Variants in ITIH2 observed in about 807,000 individuals in gnomAD.
ITIH2 encodes inter-alpha-trypsin inhibitor heavy chain 2, also known as inter-alpha-trypsin inhibitor heavy chain H2.
A neutral mutation model predicts 104.4 loss-of-function variants in ITIH2; 103 were observed. The observed-to-expected ratio is 0.99, with a 90% CI of 0.84 to 1.16. The LOEUF is 1.16. Among genes scored for constraint, ITIH2 ranks in the 50% most tolerant of loss-of-function variants. ITIH2 has a pLI of 0.00. For synonymous variants in ITIH2, 436 were observed against 435.4 expected, an observed-to-expected ratio of 1.00 and a Z score of -0.02; for missense variants, 1,108 against 1,162.4, an observed-to-expected ratio of 0.95 and a Z score of 0.68.
At chr10:7,703,659 T>A in intron 1 of ITIH2, 141 bp downstream of exon 1, 1 of 618,036 alleles carries the variant, frequency 1.6e-6, no homozygotes, top group Non-Finnish European at 2.9e-6. Context: ...GTGTTTACTG[T>A]TATAATTACT....
chr10:7,735,732 G>A (rs1479626666), intron 15 of ITIH2, among the ~76,000 whole-genome samples: 11 of 148,062 alleles, frequency 7.4e-5, no homozygotes, highest in Non-Finnish European at 1.6e-4. Context: ...GAGCACAATG[G>A]CACGATCTCA....
chr10:7,718,550 A>C (rs550900556), intron 6 of ITIH2, among the ~76,000 whole-genome samples: 25 of 152,114 alleles, frequency 1.6e-4, no homozygotes, highest in Admixed American at 1.6e-3. Flanking sequence ...TTTTAAGTTC[A>C]GGGGCATATG....
rs142634933 is a variant in ITIH2, at chr10:7,720,235, C to A, written c.631-621C>A. Among the ~76,000 whole-genome samples the A allele has an allele frequency of 1.2e-3, 182 of 152,210 alleles. 4 individuals carry two copies. In the East Asian group the frequency reaches 0.03, roughly 25 times the overall value. On this transcript the variant is annotated intron_variant, in intron 6 of 20. Transcript: ENST00000358415. ...TTGCACTAAAAGCCTGGGCTTCATC[C>A]CTGTGCAATATATTCATGTAACCAA... is the stretch of plus-strand genomic sequence containing the variant.
chr10:7,747,032 A>G (rs1241107197), intron 20 of ITIH2, among the ~76,000 whole-genome samples: 1 of 152,210 alleles, frequency 6.6e-6, no homozygotes, highest in East Asian at 1.9e-4. Context: ...TAAAACACCT[A>G]TTACCATAGT....
intron 5 of ITIH2, among the ~76,000 whole-genome samples, chr10:7,714,409 T>G (rs1354291201): frequency 6.6e-6 from 1 of 152,040 alleles, no homozygotes; most frequent in Non-Finnish European, 1.5e-5. Flanking sequence ...CCTGACCTCG[T>G]GATCCGCCCG....
chr10:7,742,062 C>T (rs1362221127), intron 16 of ITIH2, among the ~76,000 whole-genome samples: 1 of 152,218 alleles, frequency 6.6e-6, no homozygotes, highest in African/African-American at 2.4e-5. Context: ...CCATGTACTT[C>T]ATTCTATCTT....
rs549174586 is a variant in ITIH2 at position 7,705,782 on chromosome 10, G to A, written c.159+600G>A. On this transcript the variant is annotated intron_variant, in intron 2 of 20. Coordinates refer to ENST00000358415, the MANE Select transcript of ITIH2 (RefSeq NM_002216.3). Reference sequence around the variant, plus strand: ...TTCCGAAATTATTTCCTGCCTTGCCGGAAGGATTTCCTGTTAGGAAGACTT... The same window carrying A: ...TTCCGAAATTATTTCCTGCCTTGCCAGAAGGATTTCCTGTTAGGAAGACTT... 4.5e-4 allele frequency among the ~76,000 whole-genome samples: 68 copies of A among 151,568 alleles called. No homozygotes were observed. In the South Asian group the frequency reaches 0.011, roughly 24 times the overall value.
intron 4 of ITIH2, among the ~76,000 whole-genome samples, chr10:7,712,150 C>T (rs1834801873): frequency 6.6e-6 from 1 of 152,084 alleles, no homozygotes; most frequent in South Asian, 2.1e-4. Context: ...GACTAAGTAC[C>T]ATAAAATGGG....
intron 3 of ITIH2, 108 bp downstream of exon 3, chr10:7,707,341 T>A (rs1834757199): frequency 1.2e-6 from 1 of 811,926 alleles, no homozygotes; most frequent in Admixed American, 1.9e-5. Context: ...TTTACCTGAC[T>A]TTCGAAATAC....
At chr10:7,705,696 C>A (rs1834740205) in intron 2 of ITIH2, among the ~76,000 whole-genome samples, 1 of 93,374 alleles carries the variant, frequency 1.1e-5, no homozygotes, top group East Asian at 2.9e-4. Context: ...GTCCCCACTC[C>A]ATTTAAAAAA....
Position 7,703,463 on chromosome 10 carries a change from G to A in ITIH2, c.29G>A (p.Cys10Tyr). Residue 10 changes from cysteine (C) to tyrosine (Y), a missense_variant, in exon 1 of 21, where the codon TGC becomes TAC. Transcript: ENST00000358415. ...AAAAGACTCACGTGCTTTTTCATCT[G>A]CTTCTTTCTTTCTGAAGTATCAGGC... MKRLTCFFI[C>Y]FFLSEVSGFE... The A allele has an allele frequency of 1.2e-6, 2 of 1,613,950 alleles. No individual in the cohort carries two copies. Among genetic ancestry groups the A allele is most frequent in the Non-Finnish European group, 8.5e-7 (1 of 1,179,894 alleles).
chr10:7,744,237 T>C lies in ITIH2; in HGVS notation c.2365T>C (p.Phe789Leu). 2.5e-6 allele frequency: 4 copies of C among 1,614,154 alleles called. 1 individual carries two copies. The South Asian group carries it at 4.4e-5, about 18-fold the overall frequency. The change falls in exon 18 of 21, where the codon TTC becomes CTC. Residue 789 changes from phenylalanine (F) to leucine (L), a missense_variant. Transcript: ENST00000358415. ...CACCCTGAGCCATGGTTCTAGCACA[T>C]TCTCCTTGTCCTGGTCCGACACGGC... ...TITLSHGSSTFSLSWSDTAQV... is the reference protein window; with the variant it reads ...TITLSHGSSTLSLSWSDTAQV...
In ITIH2 at chr10:7,749,322, C is replaced by G. The variant is rs1283832836; in HGVS notation, c.2829C>G (p.Leu943=). 6.2e-7 allele frequency: 1 copy of G among 1,613,992 alleles called. No individual in the cohort carries two copies. Among genetic ancestry groups the G allele is most frequent in the Non-Finnish European group, 8.5e-7 (1 of 1,179,890 alleles). The part of the protein sequence containing the change: ...DYFVPQLYSF[L]KRP Reference sequence around the variant, plus strand: ...TCGTGCCTCAGCTCTACAGCTTTCTCAAACGGCCTTAAAGGTTTATAGTTT... The same window carrying G: ...TCGTGCCTCAGCTCTACAGCTTTCTGAAACGGCCTTAAAGGTTTATAGTTT... The change falls in exon 21 of 21, where the codon CTC becomes CTG. Residue 943 remains leucine (L), a synonymous_variant. Transcript: ENST00000358415.
At position 7,720,928 on chromosome 10, in the gene ITIH2, G is replaced by A. The variant is rs765320916; in HGVS notation, c.703G>A (p.Asp235Asn). Residue 235 changes from aspartate to asparagine, a missense_variant, in exon 7 of 21, where the codon GAT becomes AAT. Transcript: ENST00000358415. ...HVPDTFEGHF[D>N]GVPVISKGQQ... ...TCCCGACACATTTGAAGGCCATTTC[G>A]ATGGTGTTCCGGTCATTTCTAAAGG... 6 of 1,613,540 alleles carry A rather than the reference G, an allele frequency of 3.7e-6. No individual in the cohort carries two copies. The highest frequency in any genetic ancestry group is 1.3e-5 in the African/African-American group (1 of 75,006).
chr10:7,732,447 A>G lies in ITIH2; in HGVS notation c.1757A>G (p.Tyr586Cys), dbSNP rs764977128. The G allele has an allele frequency of 1.5e-5, 25 of 1,613,966 alleles. No homozygotes were observed. The highest frequency in any genetic ancestry group is 2.7e-5 in the African/African-American group (2 of 74,932). Residue 586 changes from tyrosine to cysteine, a missense_variant, in exon 14 of 21, where the codon TAT (tyrosine) becomes TGT (cysteine). Coordinates refer to ENST00000358415, the MANE Select transcript of ITIH2 (RefSeq NM_002216.3). The part of the protein sequence containing the change: ...DPDFTRKLWA[Y>C]LTINQLLAER... ...GATTTCACCAGGAAACTGTGGGCCT[A>G]TCTAACCATCAACCAACTGCTAGCT... is the stretch of plus-strand genomic sequence containing the variant.
intron 8 of ITIH2, among the ~76,000 whole-genome samples, chr10:7,723,148 C>CGTGGCGTGGAGTGGAGGGAA (rs58517524): frequency 1.4e-5 from 2 of 139,522 alleles, no homozygotes; most frequent in African/African-American, 2.7e-5. Context: ...CGTGGAGTGG[C>CGTGGCGTGGAGTGGAGGGAA]GTGGCGTGGA....
intron 13 of ITIH2, 85 bp downstream of exon 13, chr10:7,732,081 A>G: frequency 9.0e-7 from 1 of 1,106,740 alleles, no homozygotes; most frequent in Non-Finnish European, 1.3e-6. Flanking sequence ...CCTGCCTGGA[A>G]TCATGGGTGT....
chr10:7,731,317 C>T (rs890259326), intron 12 of ITIH2, among the ~76,000 whole-genome samples: 5 of 152,200 alleles, frequency 3.3e-5, no homozygotes, highest in Non-Finnish European at 4.4e-5. Context: ...GTAATGTTCT[C>T]AACAAGTCTT....
chr10:7,723,449 A>G lies in ITIH2; in HGVS notation c.868-2A>G. 1.9e-6 allele frequency: 3 copies of G among 1,566,584 alleles called. No homozygotes were observed. The highest frequency in any genetic ancestry group is 2.7e-5 in the African/African-American group (2 of 74,066). ...GACTCACAAATACCTTCTATTTTTC[A>G]GGTGTTTAATGGATATTTTGTCCAC... On this transcript the variant is annotated splice_acceptor_variant, in intron 8 of 20. Transcript: ENST00000358415. LOFTEE classifies it high-confidence loss of function.
Sources: allele counts gnomAD v4.1 joint callset (sites outside exome capture counted in the v4.1 genomes callset), GRCh38; gene constraint gnomAD v4.1.1; transcripts MANE v1.5; gene names NCBI Gene and HGNC (gene_info 2026-07-23, HGNC 2026-07-21).